Variants in MTRR observed in about 807,000 individuals in gnomAD.
MTRR encodes the protein methionine synthase reductase.
A neutral mutation model predicts 79.2 loss-of-function variants in MTRR; 63 were observed. The observed-to-expected ratio is 0.80, with a 90% CI of 0.65 to 0.98. MTRR has a LOEUF of 0.98. Ranked by LOEUF, MTRR falls within the 50% of genes least tolerant of loss-of-function variation. The pLI is 0.00. For missense variants in MTRR, 895 were observed against 839.6 expected (o/e 1.07, Z -0.82); for synonymous variants, 355 against 313.3 (o/e 1.13, Z -1.41).
At position 7,869,176 on chromosome 5, in the gene MTRR, G is replaced by A. The variant is rs778827432; in HGVS notation, c.-65G>A. The A allele has an allele frequency of 1.7e-5, 27 of 1,611,940 alleles. No individual in the cohort carries two copies. In the East Asian group the frequency reaches 5.3e-4, roughly 32 times the overall value. ...GCGCGCTGGCGCAAGGTTGGTGGAA[G>A]TCGCGTTGTGCAGGTTCGTGCCCGG... On this transcript the variant is annotated 5_prime_UTR_variant, in exon 1 of 15. Coordinates refer to ENST00000440940, the MANE Select transcript of MTRR (RefSeq NM_002454.3).
At chr5:7,885,635 C>T in intron 6 of MTRR, 66 bp from the exon 7 acceptor site, 1 of 1,460,034 alleles carries the variant, frequency 6.8e-7, no homozygotes, top group Admixed American at 1.8e-5. Flanking sequence ...ATTTTTGTTA[C>T]CCTACAGCTT....
chr5:7,870,165 A>G (rs1747678505), intron 1 of MTRR: 1 of 654,752 alleles, frequency 1.5e-6, no homozygotes, highest in Admixed American at 6.0e-5. Flanking sequence ...GTTTGTATAT[A>G]TGCCCATACA....
At position 7,883,159 on chromosome 5, in the gene MTRR, A is replaced by C; in HGVS notation, c.785A>C (p.Glu262Ala). The change falls in exon 6 of 15, where the codon GAA (glutamate) becomes GCA (alanine). Residue 262 changes from glutamate to alanine, a missense_variant. Glu to Ala is a moderately radical substitution (Grantham distance 107). Transcript: ENST00000440940. ...VHLQESLGQE[E>A]SQVSVTSADP... Reference sequence around the variant, plus strand: ...TTGTCACATTTGTTTTTCAAGGAGGAAAGCCAAGTATCTGTGACTTCAGCA... The same window carrying C: ...TTGTCACATTTGTTTTTCAAGGAGGCAAGCCAAGTATCTGTGACTTCAGCA... 3 of 1,614,242 alleles carry C rather than the reference A, an allele frequency of 1.9e-6. No homozygotes were observed. In the African/African-American group the frequency reaches 4.0e-5, roughly 22 times the overall value.
intron 1 of MTRR, among the ~76,000 whole-genome samples, chr5:7,854,455 C>T (rs182300243): frequency 6.6e-6 from 1 of 152,148 alleles, no homozygotes; most frequent in Non-Finnish European, 1.5e-5. Context: ...CTGATAAAGA[C>T]ATACCCAAGA....
At chr5:7,852,406 G>T (rs986173880) in intron 1 of MTRR, among the ~76,000 whole-genome samples, 2 of 151,982 alleles carry the variant, frequency 1.3e-5, no homozygotes, top group African/African-American at 2.4e-5. Context: ...TGTCTCTCTC[G>T]TGGGTCCCCA....
chr5:7,888,170 A>G (rs1365925149), intron 8 of MTRR, among the ~76,000 whole-genome samples: 1 of 152,154 alleles, frequency 6.6e-6, no homozygotes, highest in Admixed American at 6.5e-5. Flanking sequence ...ACTTACTTGA[A>G]GTATATTTGT....
Position 7,869,177 on chromosome 5 carries a change from T to A in MTRR, c.-64T>A, listed in dbSNP as rs745639774. On this transcript the variant is annotated 5_prime_UTR_variant, in exon 1 of 15. Transcript: ENST00000440940. ...CGCGCTGGCGCAAGGTTGGTGGAAG[T>A]CGCGTTGTGCAGGTTCGTGCCCGGC... is the stretch of plus-strand genomic sequence containing the variant. 1.9e-6 allele frequency: 3 copies of A among 1,611,936 alleles called. 1 individual carries two copies. The South Asian group carries it at 3.3e-5, about 18-fold the overall frequency.
chr5:7,864,365 T>C (rs1386946778), upstream of MTRR, among the ~76,000 whole-genome samples: 3 of 152,152 alleles, frequency 2.0e-5, no homozygotes, highest in Non-Finnish European at 4.4e-5. Flanking sequence ...TAAAAGATAT[T>C]ATTTTTAAAA....
chr5:7,883,636 GTC>G (rs1422347959), intron 6 of MTRR, among the ~76,000 whole-genome samples: 69 of 152,134 alleles, frequency 4.5e-4, no homozygotes, highest in Non-Finnish European at 4.4e-5. Flanking sequence ...AGAATGAGAG[GTC>G]TCTGACAGGA....
intron 6 of MTRR, among the ~76,000 whole-genome samples, chr5:7,884,040 G>T (rs181008521): frequency 6.6e-6 from 1 of 152,138 alleles, no homozygotes; most frequent in East Asian, 1.9e-4. Flanking sequence ...GGTGTGTACC[G>T]ATGGTCCCAG....
upstream of MTRR, chr5:7,867,319 A>C: frequency 6.2e-7 from 1 of 1,613,974 alleles, no homozygotes; most frequent in Middle Eastern, 1.6e-4. Context: ...GGGCCACAAT[A>C]TCCTCCGGGG....
At chr5:7,851,001 C>T (rs763351364), upstream of MTRR, 8 of 1,280,942 alleles carry the variant, frequency 6.2e-6, no homozygotes, top group South Asian at 8.7e-5. Flanking sequence ...ACGCGGTGGT[C>T]TCCTCCTCGT....
Position 7,863,234 on chromosome 5 carries a change from C to A in MTRR, n.498+1177C>A. ...GTGTTTTTACAGTAGTCACTGGTTACCATAAACAGAAAGAAAAGTAAAGAA... is the reference window on the plus strand; with the variant it reads ...GTGTTTTTACAGTAGTCACTGGTTAACATAAACAGAAAGAAAAGTAAAGAA... On this transcript the variant is annotated intron_variant and non_coding_transcript_variant, in intron 2 of 3. Transcript: ENST00000502509. 4.9e-5 allele frequency: 22 copies of A among 452,608 alleles called. No homozygotes were observed. The highest frequency in any genetic ancestry group is 1.3e-4 in the South Asian group (5 of 37,070). 28.0% of individuals were successfully genotyped at this position (452,608 alleles called of 1,614,324 possible). A position where few individuals can be genotyped will look rare whatever the true frequency, so the allele number is the denominator to read the frequency against.
At position 7,873,374 on chromosome 5, in the gene MTRR, A is replaced by G. The variant is rs1327568849; in HGVS notation, c.131A>G (p.Tyr44Cys). 1 of 1,614,186 alleles carries G rather than the reference A, an allele frequency of 6.2e-7. No individual in the cohort carries two copies. The highest frequency in any genetic ancestry group is 1.7e-5 in the Admixed American group (1 of 60,030). ...DLHCISESDK[Y>C]DLKTETAPLV... The stretch of plus-strand genomic sequence containing the variant: ...TGACTTGATATCCTTGTTTTGTAGT[A>G]TGACCTAAAAACCGAAACAGCTCCT... The change falls in exon 3 of 15, where the codon TAT (tyrosine) becomes TGT (cysteine). Residue 44 changes from tyrosine to cysteine, a missense_variant and splice_region_variant. Transcript: ENST00000440940.
Position 7,885,818 on chromosome 5 carries a change from G to T in MTRR, c.1021G>T (p.Val341Phe). ...GCTTGAAGATAAAAGAGAGCACTGC[G>T]TCCTTTTGAAAATAAAGGCAGACAC... ...LQLEDKREHC[V>F]LLKIKADTKK... The change falls in exon 7 of 15, where the codon GTC (valine) becomes TTC (phenylalanine). Residue 341 changes from valine to phenylalanine, a missense_variant. By Grantham distance (50) the Val-to-Phe change is conservative (BLOSUM62 -1). Transcript: ENST00000440940. 1 of 1,614,058 alleles carries T rather than the reference G, an allele frequency of 6.2e-7. No homozygotes were observed. The highest frequency in any genetic ancestry group is 1.1e-5 in the South Asian group (1 of 91,076).
At position 7,869,170 on chromosome 5, in the gene MTRR, G is replaced by A; in HGVS notation, c.-71G>A. On this transcript the variant is annotated 5_prime_UTR_variant, in exon 1 of 15. In the 5' UTR this introduces an upstream ATG that the reference lacks. Transcript: ENST00000440940. ...GTCAGTGCGCGCTGGCGCAAGGTTG[G>A]TGGAAGTCGCGTTGTGCAGGTTCGT... 6.2e-7 allele frequency: 1 copy of A among 1,612,436 alleles called. No individual in the cohort carries two copies.
chr5:7,887,607 CT>C (rs1242531962), intron 8 of MTRR, among the ~76,000 whole-genome samples: 1 of 144,376 alleles, frequency 6.9e-6, no homozygotes, highest in Admixed American at 6.9e-5. Flanking sequence ...TGGTAATCAG[CT>C]CGAGATGTAA....
At position 7,870,470 on chromosome 5, in the gene MTRR, ATTTGGGGAGC is replaced by A. The variant is rs545138593; in HGVS notation, c.-25-297_-25-288del. ...GGATAAAGGAGCTGTGGTACGGATCATTTGGGGAGCTTGTCTACAGGGTTGCACTTAGGAA... is the reference window on the plus strand; with the variant it reads ...GGATAAAGGAGCTGTGGTACGGATCATTGTCTACAGGGTTGCACTTAGGAA... On this transcript the variant is annotated intron_variant, in intron 1 of 14. Transcript: ENST00000440940. 2.7e-3 allele frequency: 1,046 copies of A among 387,194 alleles called. 2 individuals carry two copies. The highest frequency in any genetic ancestry group is 4.3e-3 in the Non-Finnish European group (871 of 202,724). The allele number at this position is 387,194 out of a possible 1,614,324, so 24.0% of individuals were successfully genotyped here. A position where few individuals can be genotyped will look rare whatever the true frequency, so the allele number is the denominator to read the frequency against.
Position 7,878,250 on chromosome 5 carries a change from A to G in MTRR, c.708A>G (p.Ser236=), listed in dbSNP as rs372700667. The G allele has an allele frequency of 4.3e-6, 7 of 1,614,180 alleles. No homozygotes were observed. Among genetic ancestry groups the G allele is most frequent in the Non-Finnish European group, 5.1e-6 (6 of 1,180,010 alleles). ...TTACCCGTTCGGTACCCCCACTCTC[A>G]CAAGCCTCTCTGAATATTCCTGGTT... ...SSLTRSVPPL[S]QASLNIPGLP... Residue 236 remains serine (S), a synonymous_variant, in exon 5 of 15, where the codon TCA becomes TCG. Transcript: ENST00000440940.
Sources: allele counts gnomAD v4.1 joint callset (sites outside exome capture counted in the v4.1 genomes callset), GRCh38; gene constraint gnomAD v4.1.1; transcripts MANE v1.5; gene names NCBI Gene and HGNC (gene_info 2026-07-23, HGNC 2026-07-21).